SLC4A5: variants seen among roughly 807,000 people sequenced by gnomAD.
SLC4A5 encodes solute carrier family 4 member 5, also known as electrogenic sodium bicarbonate cotransporter 4.
Under a neutral mutation model 120.4 loss-of-function variants are expected in SLC4A5, and 96 were observed. The ratio of observed to expected loss-of-function variants is 0.80; its 90% CI spans 0.68 to 0.94. SLC4A5 has a LOEUF of 0.94. Ranked by LOEUF, SLC4A5 falls within the 40% of genes least tolerant of loss-of-function variation. The pLI, the probability that SLC4A5 is intolerant of heterozygous loss-of-function variation, is 0.00. For synonymous variants in SLC4A5, 550 were observed against 571.1 expected (o/e 0.96, Z 0.53); for missense variants, 1,259 against 1,459.5 (o/e 0.86, Z 2.24).
chr2:74,221,566 CCCCA>C, intron 29 of SLC4A5, 65 bp from the exon 30 acceptor site: 2 of 1,504,116 alleles, frequency 1.3e-6, no homozygotes, highest in Non-Finnish European at 1.9e-6. Context: ...TCCGGGCTTC[CCCCA>C]CCATTTCCTT....
chr2:74,327,620 AAGG>A (rs1673247798), intron 5 of SLC4A5, among the ~76,000 whole-genome samples: 1 of 152,236 alleles, frequency 6.6e-6, no homozygotes, highest in South Asian at 2.1e-4. Context: ...TGTGTAATGA[AAGG>A]AGACTAGCCA....
chr2:74,252,145 A>G, intron 16 of SLC4A5, 34 bp downstream of exon 16: 1 of 1,604,182 alleles, frequency 6.2e-7, no homozygotes, highest in Non-Finnish European at 8.5e-7. Context: ...AGTCTAAAGG[A>G]CAGCAGGGTC....
At chr2:74,300,406 T>G (rs1048252465) in intron 7 of SLC4A5, among the ~76,000 whole-genome samples, 1 of 152,248 alleles carries the variant, frequency 6.6e-6, no homozygotes, top group South Asian at 2.1e-4. Context: ...GTGGTAATCA[T>G]CTCACAATGT....
At chr2:74,285,780 A>G (rs1161421790) in exon 8 of SLC4A5, 1 of 1,609,922 alleles carries the variant, frequency 6.2e-7, no homozygotes, top group Non-Finnish European at 8.5e-7. Context: ...CACCTGGCTG[A>G]CTCCTTCCAC....
At chr2:74,253,592 C>G (rs1300381364) in intron 14 of SLC4A5, among the ~76,000 whole-genome samples, 1 of 152,024 alleles carries the variant, frequency 6.6e-6, no homozygotes, top group African/African-American at 2.4e-5. Flanking sequence ...ACATTTAACC[C>G]TTTCCCATTT....
chr2:74,225,053 G>T (rs746151282), intron 27 of SLC4A5, 58 bp from the exon 28 acceptor site: 3 of 1,543,128 alleles, frequency 1.9e-6, no homozygotes, highest in Non-Finnish European at 1.8e-6. Context: ...TGGTCTCAAT[G>T]CCCAAACTCA....
intron 7 of SLC4A5, among the ~76,000 whole-genome samples, chr2:74,302,265 C>T (rs1419527621): frequency 1.3e-5 from 2 of 152,272 alleles, no homozygotes; most frequent in Middle Eastern, 3.4e-3. Context: ...CAGTAACACA[C>T]ACACATAGTA....
chr2:74,292,648 C>T (rs1672210441), intron 7 of SLC4A5, among the ~76,000 whole-genome samples: 1 of 152,094 alleles, frequency 6.6e-6, no homozygotes, highest in Admixed American at 6.6e-5. Flanking sequence ...ACACTAAAGC[C>T]ACACAAAGAA....
exon 6 of SLC4A5, chr2:74,314,977 G>A: frequency 6.2e-7 from 1 of 1,613,992 alleles, no homozygotes; most frequent in East Asian, 2.2e-5. Context: ...CCTGTGGTTA[G>A]TGTGGTCCAG....
At chr2:74,247,218 C>T in exon 19 of SLC4A5, 1 of 1,614,206 alleles carries the variant, frequency 6.2e-7, no homozygotes, top group Non-Finnish European at 8.5e-7. Context: ...GATGATAAAG[C>T]TGGCATCTGT....
intron 5 of SLC4A5, among the ~76,000 whole-genome samples, chr2:74,317,948 CA>C (rs1216809167): frequency 6.6e-6 from 1 of 152,048 alleles, no homozygotes; most frequent in Admixed American, 6.6e-5. Flanking sequence ...TGACAGATAC[CA>C]AAACAAACAG....
At chr2:74,236,397 A>G (rs936288865) in intron 21 of SLC4A5, among the ~76,000 whole-genome samples, 2 of 152,016 alleles carry the variant, frequency 1.3e-5, no homozygotes, top group South Asian at 2.1e-4. Flanking sequence ...GCTTTGGCTA[A>G]TATCTCTCAT....
rs561301174 is a variant in SLC4A5, at chr2:74,336,024, C to T, written c.-220-1847G>A. Among the ~76,000 whole-genome samples the T allele has an allele frequency of 5.9e-5, 9 of 152,200 alleles. No individual in the cohort carries two copies. In the South Asian group the frequency reaches 1.9e-3, roughly 32 times the overall value. ...AGGGCTGACAGCTTTACATACCTTA[C>T]CTCAATTAATCCTCACAGCAACCTC... On this transcript the variant is annotated intron_variant, in intron 3 of 30. Transcript: ENST00000394019.
intron 21 of SLC4A5, among the ~76,000 whole-genome samples, chr2:74,236,292 C>T (rs1281150387): frequency 6.6e-6 from 1 of 152,134 alleles, no homozygotes; most frequent in East Asian, 1.9e-4. Flanking sequence ...GCCTCCTGTC[C>T]TTTCCTTATT....
At chr2:74,307,338 T>C in intron 6 of SLC4A5, 1 of 581,800 alleles carries the variant, frequency 1.7e-6, no homozygotes, top group Non-Finnish European at 3.2e-6. Context: ...GCTGGTAATC[T>C]GGGCTTGTAG....
intron 30 of SLC4A5, among the ~76,000 whole-genome samples, chr2:74,220,110 A>G (rs1429511300): frequency 6.6e-6 from 1 of 152,228 alleles, no homozygotes; most frequent in Non-Finnish European, 1.5e-5. Flanking sequence ...CTAGGGCACA[A>G]GGTAGGAGTG....
Position 74,239,548 on chromosome 2 carries a change from G to A in SLC4A5, c.2119-13C>T. On this transcript the variant is annotated splice_polypyrimidine_tract_variant and intron_variant, in intron 20 of 30. Transcript: ENST00000394019. Reference sequence around the variant, plus strand: ...TAAGGAGGTTGTACTTGGAGACCAAGCACAGGAGAGAATGGGTCAGCATCT... The same window carrying A: ...TAAGGAGGTTGTACTTGGAGACCAAACACAGGAGAGAATGGGTCAGCATCT... The A allele has an allele frequency of 3.7e-6, 6 of 1,613,546 alleles. No homozygotes were observed. Among genetic ancestry groups the A allele is most frequent in the Non-Finnish European group, 5.1e-6 (6 of 1,179,642 alleles).
At chr2:74,301,812 G>T (rs1233444203) in intron 7 of SLC4A5, among the ~76,000 whole-genome samples, 1 of 152,204 alleles carries the variant, frequency 6.6e-6, no homozygotes. Flanking sequence ...CCCATGGGCT[G>T]CAGAAAAATC....
intron 2 of SLC4A5, among the ~76,000 whole-genome samples, chr2:74,341,429 T>G (rs1172471604): frequency 1.3e-5 from 2 of 152,232 alleles, no homozygotes; most frequent in Non-Finnish European, 2.9e-5. Context: ...CTTTAATTGT[T>G]AATTAACACG....
Sources: gnomAD v4.1 joint callset for allele counts (sites outside exome capture counted in the v4.1 genomes callset) on GRCh38, gnomAD v4.1.1 for gene constraint, MANE v1.5 for transcripts, NCBI Gene and HGNC (gene_info 2026-07-23, HGNC 2026-07-21) for gene names.